The following GREB1 variants were observed in gnomAD, a reference collection of about 807,000 sequenced individuals.
GREB1 encodes protein GREB1.
A neutral mutation model predicts 200.7 loss-of-function variants in GREB1; 106 were observed. The observed-to-expected ratio is 0.53, with a 90% CI of 0.45 to 0.62. The LOEUF is 0.62. GREB1 is among the 20% of genes least tolerant of loss of function. GREB1 has a pLI of 0.00. For synonymous variants in GREB1, 1,132 were observed against 1,092.4 expected, an observed-to-expected ratio of 1.04 and a Z score of -0.72; for missense variants, 2,243 against 2,556.8, an observed-to-expected ratio of 0.88 and a Z score of 2.65.
chr2:11,503,267 C>G (rs139146927), intron 1 of GREB1, among the ~76,000 whole-genome samples: 15 of 152,228 alleles, frequency 9.9e-5, no homozygotes, highest in Admixed American at 7.2e-4. Flanking sequence ...GATTTTCACA[C>G]GTTTATTACA....
At chr2:11,582,062 C>T (rs995683927) in intron 7 of GREB1, among the ~76,000 whole-genome samples, 3 of 151,994 alleles carry the variant, frequency 2.0e-5, no homozygotes, top group Admixed American at 6.5e-5. Context: ...GCTTCTCTGC[C>T]GGTGCTGCAT....
chr2:11,592,758 GC>G lies in GREB1; in HGVS notation c.1346-15del. 6.9e-7 allele frequency: 1 copy of G among 1,459,154 alleles called. No individual in the cohort carries two copies. Among genetic ancestry groups the G allele is most frequent in the Non-Finnish European group, 9.0e-7 (1 of 1,107,518 alleles). The allele number at this position is 1,459,154 out of a possible 1,614,324, so 90.4% of individuals were successfully genotyped here. A position where few individuals can be genotyped will look rare whatever the true frequency, so the allele number is the denominator to read the frequency against. On this transcript the variant is annotated splice_polypyrimidine_tract_variant and intron_variant, in intron 10 of 32. Transcript: ENST00000381486. ...CGCTGGCATTTGTGGCAGGCCCTCC[GC>G]CCGCATTGTGTTGCAGCCGCGGACC...
At chr2:11,539,093 T>G (rs1327215988) in intron 1 of GREB1, among the ~76,000 whole-genome samples, 1 of 140,964 alleles carries the variant, frequency 7.1e-6, no homozygotes, top group Admixed American at 6.9e-5. Context: ...CACTTTGTCA[T>G]CCAGGCTGGA....
rs552659510 is a variant in GREB1 at position 11,592,826 on chromosome 2, T to C, written c.1396T>C (p.Ser466Pro). The C allele has an allele frequency of 7.6e-6, 12 of 1,589,066 alleles. No individual in the cohort carries two copies. The East Asian group carries it at 2.8e-4, about 36-fold the overall frequency. The change falls in exon 11 of 33, where the codon TCT (serine) becomes CCT (proline). Residue 466 changes from serine to proline, a missense_variant. By Grantham distance (74) the Ser-to-Pro change is moderately conservative. This residue lies in a region of GREB1 where 1,178 missense variants were observed against 1,387.4 expected (regional missense o/e 0.85). Transcript: ENST00000381486. The stretch of plus-strand genomic sequence containing the variant: ...GGACCTGGAGCAGATCTTCCTGCGC[T>C]CTTGGCGCGAGTCGCACCTGACCGA... ...MEDLEQIFLR[S>P]WRESHLTEIR...
At chr2:11,519,042 AGCCGAGATCGC>A (rs1362681952) in intron 1 of GREB1, among the ~76,000 whole-genome samples, 1 of 149,914 alleles carries the variant, frequency 6.7e-6, no homozygotes, top group Non-Finnish European at 1.5e-5. Context: ...GCTTGCAGTG[AGCCGAGATCGC>A]GCCACTGCAC....
chr2:11,575,415 C>T (rs893428406), intron 4 of GREB1, among the ~76,000 whole-genome samples: 7 of 152,226 alleles, frequency 4.6e-5, no homozygotes, highest in African/African-American at 1.7e-4. Flanking sequence ...AAGGTCTTTT[C>T]AAGCACATTC....
intron 1 of GREB1, among the ~76,000 whole-genome samples, chr2:11,501,084 G>A (rs1269935554): frequency 1.3e-5 from 2 of 152,194 alleles, no homozygotes; most frequent in Non-Finnish European, 2.9e-5. Context: ...CCAGTCCCTT[G>A]AGGGTAGGAA....
chr2:11,635,715 C>T (rs1685260135), intron 30 of GREB1, among the ~76,000 whole-genome samples: 1 of 152,220 alleles, frequency 6.6e-6, no homozygotes, highest in Non-Finnish European at 1.5e-5. Flanking sequence ...CTTCCTTGGG[C>T]CCCTGGGATG....
rs1315470281 is a variant in GREB1 at position 11,493,954 on chromosome 2, T to G, written c.-159+11573T>G. ...GGGGGCTTAGGAGAAATGAATCTGA[T>G]GGAGAAAAGATGAAAGAAGAAATGA... On this transcript the variant is annotated intron_variant, in intron 1 of 2. Transcript: ENST00000628795. This position sits in a 1 kb window ranked among gnomAD's most constrained non-coding sequence, Gnocchi z 4.6. Among the ~76,000 whole-genome samples, 3 of 152,094 alleles carry G rather than the reference T, an allele frequency of 2.0e-5. No individual in the cohort carries two copies. Among genetic ancestry groups the G allele is most frequent in the Non-Finnish European group, 4.4e-5 (3 of 68,000 alleles).
At chr2:11,497,504 G>A (rs1183772947) in intron 1 of GREB1, among the ~76,000 whole-genome samples, 7 of 152,120 alleles carry the variant, frequency 4.6e-5, no homozygotes. Context: ...TGCAATTGCT[G>A]GGTCTTATTT....
At chr2:11,627,204 T>C in intron 25 of GREB1, 100 bp downstream of exon 25, 2 of 1,148,212 alleles carry the variant, frequency 1.7e-6, no homozygotes, top group Non-Finnish European at 2.4e-6. Context: ...GATAGAGAGT[T>C]CTGGAAGCCC....
At chr2:11,622,530 C>A (rs1017953332) in intron 23 of GREB1, among the ~76,000 whole-genome samples, 1 of 152,188 alleles carries the variant, frequency 6.6e-6, no homozygotes, top group African/African-American at 2.4e-5. Flanking sequence ...CTACCTTAGA[C>A]ACTTAGTAAG....
At position 11,618,774 on chromosome 2, in the gene GREB1, G is replaced by T; in HGVS notation, c.3899G>T (p.Ser1300Ile). 1 of 1,612,448 alleles carries T rather than the reference G, an allele frequency of 6.2e-7. No homozygotes were observed. The change falls in exon 22 of 33, where the codon AGC becomes ATC. Residue 1300 changes from serine to isoleucine, a missense_variant. By Grantham distance (142) the Ser-to-Ile change is moderately radical. Coordinates refer to ENST00000381486, the MANE Select transcript of GREB1 (RefSeq NM_014668.4). ...GCCAGCTCTTTCCGCCCCCTGCTCAGCAAGACCATGACATCCACCGAGCAG... is the reference window on the plus strand; with the variant it reads ...GCCAGCTCTTTCCGCCCCCTGCTCATCAAGACCATGACATCCACCGAGCAG... ...MWASSFRPLLSKTMTSTEQSL... is the reference protein window; with the variant it reads ...MWASSFRPLLIKTMTSTEQSL...
rs373821387 is a variant in GREB1, at chr2:11,625,304, A to G, written c.4298A>G (p.Lys1433Arg). 17 of 1,614,056 alleles carry G rather than the reference A, an allele frequency of 1.1e-5. No individual in the cohort carries two copies. Among genetic ancestry groups the G allele is most frequent in the Non-Finnish European group, 1.3e-5 (15 of 1,180,004 alleles). ...SLICSHYQGI[K>R]SEDRGMSRKP... ...ATTTGTTCGCACTATCAGGGTATAA[A>G]GAGTGAAGGTCAGACTTTGAATCTC... The change falls in exon 24 of 33, where the codon AAG becomes AGG. Residue 1433 changes from lysine (K) to arginine (R), a missense_variant. By Grantham distance (26) the Lys-to-Arg change is conservative. This residue lies in a region of GREB1 where 587 missense variants were observed against 553.1 expected (regional missense o/e 1.06). Transcript: ENST00000381486.
At chr2:11,558,867 A>G (rs1676696595) in intron 2 of GREB1, among the ~76,000 whole-genome samples, 1 of 152,148 alleles carries the variant, frequency 6.6e-6, no homozygotes, top group Non-Finnish European at 1.5e-5. Flanking sequence ...CATTTTATGT[A>G]TTTGTGAGGG....
At position 11,585,217 on chromosome 2, in the gene GREB1, T is replaced by A; in HGVS notation, c.958T>A (p.Ser320Thr). The change falls in exon 8 of 33, where the codon TCT becomes ACT. Residue 320 changes from serine to threonine, a missense_variant. Physicochemically the swap from Ser to Thr is moderately conservative, Grantham distance 58 (BLOSUM62 1). This residue lies in a region of GREB1 where 1,178 missense variants were observed against 1,387.4 expected (regional missense o/e 0.85). Coordinates refer to ENST00000381486, the MANE Select transcript of GREB1 (RefSeq NM_014668.4). ...ACGCCACAAAGGGTGGTCTCCAGAA[T>A]CTCCATCAGCTCCAGATGGTGGCTG... ...KKRHKGWSPE[S>T]PSAPDGGCPQ... 6.3e-7 allele frequency: 1 copy of A among 1,586,560 alleles called. No homozygotes were observed. The highest frequency in any genetic ancestry group is 8.6e-7 in the Non-Finnish European group (1 of 1,168,804).
intron 4 of GREB1, among the ~76,000 whole-genome samples, chr2:11,569,782 GGCATCTC>G (rs1467270273): frequency 6.6e-6 from 1 of 152,152 alleles, no homozygotes; most frequent in Admixed American, 6.5e-5. Flanking sequence ...GAGGATGAAG[GGCATCTC>G]AGCAGAGGGA....
intron 1 of GREB1, among the ~76,000 whole-genome samples, chr2:11,486,566 A>T (rs1672660726): frequency 6.6e-6 from 1 of 152,098 alleles, no homozygotes; most frequent in Non-Finnish European, 1.5e-5. Flanking sequence ...AAAAAAACAA[A>T]AAACAGCCAG....
chr2:11,490,490 G>A (rs1392158326), intron 1 of GREB1, among the ~76,000 whole-genome samples: 1 of 152,040 alleles, frequency 6.6e-6, no homozygotes, highest in Admixed American at 6.6e-5. Context: ...TCACTTTTTG[G>A]CTATTATGAA....
Sources: allele counts gnomAD v4.1 joint callset (sites outside exome capture counted in the v4.1 genomes callset), GRCh38; gene constraint gnomAD v4.1.1; regional missense constraint gnomAD v4.1.1; non-coding constraint Gnocchi (gnomAD v3.1); transcripts MANE v1.5; gene names NCBI Gene and HGNC (gene_info 2026-07-23, HGNC 2026-07-21).